ARL8B: variants seen among roughly 807,000 people sequenced by gnomAD.
ARL8B encodes ARF like GTPase 8B.
In ARL8B, 9 loss-of-function variants were observed where a neutral mutation model predicts 30.6. That is an observed-to-expected ratio of 0.29 (90% CI 0.18 to 0.51). ARL8B has a LOEUF of 0.51. Among genes scored for constraint, ARL8B ranks in the 20% least tolerant of loss-of-function variants. The pLI, the probability that ARL8B is intolerant of heterozygous loss-of-function variation, is 0.97. For missense variants in ARL8B, 130 were observed against 227.2 expected, an observed-to-expected ratio of 0.57 and a Z score of 2.75; for synonymous variants, 74 against 76.0, an observed-to-expected ratio of 0.97 and a Z score of 0.14.
chr3:5,146,186 G>A (rs1215661063), intron 1 of ARL8B, among the ~76,000 whole-genome samples: 1 of 152,188 alleles, frequency 6.6e-6, no homozygotes, highest in African/African-American at 2.4e-5. Context: ...AAGGCAAAGA[G>A]GTCCCTGCTC....
chr3:5,171,219 G>A (rs1409898741), intron 2 of ARL8B, among the ~76,000 whole-genome samples: 2 of 152,118 alleles, frequency 1.3e-5, no homozygotes, highest in Admixed American at 6.5e-5. Context: ...TAGTTAAACC[G>A]GAAGCCTCTT....
At chr3:5,128,659 A>T (rs548824130) in intron 1 of ARL8B, 89 of 211,384 alleles carry the variant, frequency 4.2e-4, no homozygotes, top group Middle Eastern at 3.8e-3. Flanking sequence ...ATTATTAAAA[A>T]ATTTTTTTTC....
intron 1 of ARL8B, among the ~76,000 whole-genome samples, chr3:5,126,295 G>A (rs1332632477): frequency 6.6e-6 from 1 of 152,024 alleles, no homozygotes; most frequent in Non-Finnish European, 1.5e-5. Flanking sequence ...TGCACTTTTT[G>A]TATTGTATAT....
chr3:5,173,107 A>G (rs2054691450), intron 4 of ARL8B, among the ~76,000 whole-genome samples: 1 of 152,162 alleles, frequency 6.6e-6, no homozygotes, highest in South Asian at 2.1e-4. Flanking sequence ...GTGCAAGGGG[A>G]TATGAGAGTT....
Position 5,174,257 on chromosome 3 carries a change from T to G in ARL8B, c.441-87T>G. 2.7e-6 allele frequency: 3 copies of G among 1,112,482 alleles called. No individual in the cohort carries two copies. In the South Asian group the frequency reaches 3.9e-5, roughly 14 times the overall value. 68.9% of individuals were successfully genotyped at this position (1,112,482 alleles called of 1,614,324 possible). A position where few individuals can be genotyped will look rare whatever the true frequency, so the allele number is the denominator to read the frequency against. ...TGCTACGATGATTTCTTCAGTATAG[T>G]AATAAAACTAATGAGTAAAATTGAA... On this transcript the variant is annotated intron_variant, in intron 5 of 6. Coordinates refer to ENST00000256496, the MANE Select transcript of ARL8B (RefSeq NM_018184.3).
chr3:5,128,819 G>T (rs2054255208), intron 1 of ARL8B, among the ~76,000 whole-genome samples: 1 of 152,108 alleles, frequency 6.6e-6, no homozygotes, highest in South Asian at 2.1e-4. Flanking sequence ...TTCTTAATGT[G>T]TATATCCAGA....
chr3:5,172,600 TCA>T, intron 3 of ARL8B, 45 bp from the exon 4 acceptor site: 1 of 1,244,586 alleles, frequency 8.0e-7, no homozygotes, highest in Non-Finnish European at 1.2e-6. Context: ...GTTGTCATCA[TCA>T]AGGCATACAG....
intron 1 of ARL8B, among the ~76,000 whole-genome samples, chr3:5,140,095 T>C (rs1259766227): frequency 6.6e-6 from 1 of 151,968 alleles, no homozygotes; most frequent in East Asian, 1.9e-4. Flanking sequence ...TGATTAGTTT[T>C]TGTTCCTCAC....
chr3:5,172,174 C>T lies in ARL8B; in HGVS notation c.229C>T (p.Arg77Ter), dbSNP rs777138304. 1 of 1,613,556 alleles carries T rather than the reference C, an allele frequency of 6.2e-7. No homozygotes were observed. Among genetic ancestry groups the T allele is most frequent in the Non-Finnish European group, 8.5e-7 (1 of 1,179,710 alleles). The change falls in exon 3 of 7, where the codon CGA becomes TGA. Residue 77 changes from arginine to a stop codon, truncating the protein, a stop_gained. Coordinates refer to ENST00000256496, the MANE Select transcript of ARL8B (RefSeq NM_018184.3). LOFTEE classifies it high-confidence loss of function. ...IKIWDIGGQPRFRSMWERYCR... is the reference protein window; with the variant it reads ...IKIWDIGGQP ...GATCTGGGACATAGGAGGACAACCCCGATTTCGAAGCATGTGGGAGCGGTA... is the reference window on the plus strand; with the variant it reads ...GATCTGGGACATAGGAGGACAACCCTGATTTCGAAGCATGTGGGAGCGGTA...
intron 1 of ARL8B, among the ~76,000 whole-genome samples, chr3:5,137,029 G>C (rs2054332394): frequency 6.6e-6 from 1 of 152,140 alleles, no homozygotes; most frequent in Non-Finnish European, 1.5e-5. Flanking sequence ...CTACTGCTCT[G>C]TAATTGTTGA....
intron 1 of ARL8B, among the ~76,000 whole-genome samples, chr3:5,136,525 A>G (rs900031629): frequency 5.9e-5 from 9 of 152,138 alleles, no homozygotes; most frequent in Admixed American, 2.6e-4. Flanking sequence ...ATAGTGTTCC[A>G]TGTGCATTTT....
At chr3:5,141,250 C>T (rs116127247) in intron 1 of ARL8B, among the ~76,000 whole-genome samples, 2,191 of 152,222 alleles carry the variant, frequency 0.014, 20 homozygotes, top group Non-Finnish European at 0.021. Context: ...TTTATTATGC[C>T]TCGAAAATGG....
In ARL8B at chr3:5,170,562, T is replaced by C; in HGVS notation, c.183T>C (p.Thr61=). The C allele has an allele frequency of 1.2e-6, 2 of 1,612,538 alleles. No individual in the cohort carries two copies. ...TGGGCTTCAACATGAGGAAGGTAACTAAAGGTAACGTCACAATAAAGGTAA... is the reference window on the plus strand; with the variant it reads ...TGGGCTTCAACATGAGGAAGGTAACCAAAGGTAACGTCACAATAAAGGTAA... ...PTVGFNMRKV[T]KGNVTIKIWD... Residue 61 remains threonine (T), a synonymous_variant, in exon 2 of 7, where the codon ACT becomes ACC. Coordinates refer to ENST00000256496, the MANE Select transcript of ARL8B (RefSeq NM_018184.3).
chr3:5,149,753 G>A (rs186042649), intron 1 of ARL8B, among the ~76,000 whole-genome samples: 1 of 152,208 alleles, frequency 6.6e-6, no homozygotes, highest in Non-Finnish European at 1.5e-5. Flanking sequence ...TGTTACATCC[G>A]CAGGCTGGCT....
In ARL8B at chr3:5,122,459, C is replaced by G; in HGVS notation, c.-7C>G. The G allele has an allele frequency of 3.7e-6, 6 of 1,612,840 alleles. No individual in the cohort carries two copies. The highest frequency in any genetic ancestry group is 1.1e-5 in the South Asian group (1 of 91,014). On this transcript the variant is annotated 5_prime_UTR_variant, in exon 1 of 7. Transcript: ENST00000256496. The stretch of plus-strand genomic sequence containing the variant: ...CCTCCCGTCCGTTCTCGCTCCCGGC[C>G]GCCATCATGCTGGCGCTCATCTCCC...
Position 5,123,428 on chromosome 3 carries a change from A to G in ARL8B, c.123+840A>G, listed in dbSNP as rs542162956. 1.1e-4 allele frequency among the ~76,000 whole-genome samples: 16 copies of G among 152,316 alleles called. 1 individual carries two copies. Among genetic ancestry groups the G allele is most frequent in the South Asian group, 2.1e-4 (1 of 4,826 alleles). On this transcript the variant is annotated intron_variant, in intron 1 of 6. Transcript: ENST00000256496. ...CATAGAATGTGGTGTTTGTTCAGCA[A>G]TGATTGAGTAGAAAGGTGATTGTTT...
At chr3:5,153,479 C>T (rs1260339523) in intron 1 of ARL8B, among the ~76,000 whole-genome samples, 1 of 152,178 alleles carries the variant, frequency 6.6e-6, no homozygotes, top group South Asian at 2.1e-4. Flanking sequence ...GAGGCTTCCC[C>T]AGCCACATGG....
At chr3:5,124,611 C>T (rs1269823622) in intron 1 of ARL8B, among the ~76,000 whole-genome samples, 1 of 151,966 alleles carries the variant, frequency 6.6e-6, no homozygotes, top group African/African-American at 2.4e-5. Context: ...GGACTACAGG[C>T]ATGTGCTACC....
In ARL8B at chr3:5,122,314, G is replaced by A. The variant is rs574232525; in HGVS notation, c.-152G>A. On this transcript the variant is annotated 5_prime_UTR_variant, in exon 1 of 7. It introduces an in-frame stop codon into an upstream open reading frame of the 5' UTR. Coordinates refer to ENST00000256496, the MANE Select transcript of ARL8B (RefSeq NM_018184.3). The stretch of plus-strand genomic sequence containing the variant: ...GTCATATGATCCGCTCGGCTTCCTG[G>A]GTCTGGCTGCTGCCGCCCGCCGGTG... 2.6e-6 allele frequency: 4 copies of A among 1,518,652 alleles called. No individual in the cohort carries two copies. The highest frequency in any genetic ancestry group is 2.8e-5 in the African/African-American group (2 of 72,396). The allele number at this position is 1,518,652 out of a possible 1,614,324, so 94.1% of individuals were successfully genotyped here.
Sources: allele counts gnomAD v4.1 joint callset (sites outside exome capture counted in the v4.1 genomes callset), GRCh38; gene constraint gnomAD v4.1.1; transcripts MANE v1.5; gene names NCBI Gene and HGNC (gene_info 2026-07-23, HGNC 2026-07-21).